Variants in AFAP1 observed in about 807,000 individuals in gnomAD.
AFAP1 encodes actin filament-associated protein 1.
In AFAP1, 75 loss-of-function variants were observed where a neutral mutation model predicts 93.9. The ratio of observed to expected loss-of-function variants is 0.80; its 90% CI spans 0.66 to 0.97. The LOEUF (loss-of-function observed/expected upper bound fraction) is 0.97. AFAP1 is among the 50% of genes least tolerant of loss of function. AFAP1 has a pLI of 0.00. For missense variants in AFAP1, 1,201 were observed against 1,050.8 expected (o/e 1.14, Z -1.98); for synonymous variants, 517 against 430.7 (o/e 1.20, Z -2.48).
intron 3 of AFAP1, among the ~76,000 whole-genome samples, chr4:7,863,721 G>C (rs1316430967): frequency 6.6e-6 from 1 of 151,966 alleles, no homozygotes; most frequent in South Asian, 2.1e-4. Flanking sequence ...ATTGAATAAA[G>C]GTATGAAGCA....
intron 4 of AFAP1, 120 bp from the exon 5 acceptor site, chr4:7,843,470 T>C: frequency 1.1e-6 from 1 of 951,764 alleles, no homozygotes; most frequent in Non-Finnish European, 1.5e-6. Context: ...AAGGGACCTC[T>C]GCTCCTTAAG....
intron 11 of AFAP1, among the ~76,000 whole-genome samples, chr4:7,792,422 C>T (rs868149024): frequency 1.5e-4 from 23 of 152,128 alleles, no homozygotes; most frequent in African/African-American, 4.3e-4. Context: ...AAGCTCACCA[C>T]GGCAGATGCA....
At chr4:7,889,284 T>G (rs1718303717) in intron 1 of AFAP1, among the ~76,000 whole-genome samples, 2 of 151,948 alleles carry the variant, frequency 1.3e-5, no homozygotes, top group South Asian at 4.2e-4. Context: ...ATAAAAGGCA[T>G]CTGCCTGTAA....
intron 1 of AFAP1, among the ~76,000 whole-genome samples, chr4:7,919,983 T>C (rs1720346928): frequency 6.6e-6 from 1 of 152,200 alleles, no homozygotes; most frequent in South Asian, 2.1e-4. Context: ...TCTTGTTCCT[T>C]TTGATGGGTG....
At chr4:7,827,256 A>G (rs1222938392) in intron 6 of AFAP1, among the ~76,000 whole-genome samples, 1 of 152,038 alleles carries the variant, frequency 6.6e-6, no homozygotes, top group East Asian at 1.9e-4. Flanking sequence ...AGGACCCAAC[A>G]TACCTACAGA....
chr4:7,936,765 T>A (rs1478724767), intron 1 of AFAP1, among the ~76,000 whole-genome samples: 2 of 151,980 alleles, frequency 1.3e-5, no homozygotes, highest in East Asian at 3.9e-4. Flanking sequence ...GTATTTTTAG[T>A]GGAGATAGGG....
chr4:7,794,530 AT>A (rs964364014), intron 10 of AFAP1, among the ~76,000 whole-genome samples: 9 of 150,432 alleles, frequency 6.0e-5, no homozygotes, highest in Middle Eastern at 3.4e-3. Flanking sequence ...TTATTTATTT[AT>A]TTTTTTTTGA....
At position 7,830,650 on chromosome 4, in the gene AFAP1, C is replaced by T. The variant is rs576526003; in HGVS notation, c.726+7874G>A. 2.8e-4 allele frequency among the ~76,000 whole-genome samples: 43 copies of T among 152,098 alleles called. No individual in the cohort carries two copies. In the East Asian group the frequency reaches 5.0e-3, roughly 18 times the overall value. On this transcript the variant is annotated intron_variant, in intron 6 of 17. Coordinates refer to ENST00000420658, the MANE Select transcript of AFAP1 (RefSeq NM_001134647.2). The stretch of plus-strand genomic sequence containing the variant: ...TAGAGACAAGGTCTCATTCTGTCAC[C>T]CAGGCTGGAGTGCAGTGGCCCAATC...
chr4:7,869,422 G>A (rs1716820692), intron 2 of AFAP1, among the ~76,000 whole-genome samples: 1 of 152,088 alleles, frequency 6.6e-6, no homozygotes, highest in African/African-American at 2.4e-5. Context: ...ACACCTTCCT[G>A]GGAATCAATA....
chr4:7,843,514 A>T (rs1713310574), intron 4 of AFAP1, among the ~76,000 whole-genome samples, 164 bp from the exon 5 acceptor site: 1 of 152,210 alleles, frequency 6.6e-6, no homozygotes, highest in Non-Finnish European at 1.5e-5. Flanking sequence ...AAATAAAAAA[A>T]CAATGCTAAG....
intron 1 of AFAP1, among the ~76,000 whole-genome samples, chr4:7,904,835 C>A (rs1719313540): frequency 6.6e-6 from 1 of 152,044 alleles, no homozygotes; most frequent in African/African-American, 2.4e-5. Flanking sequence ...GCCTCTCAAG[C>A]TGGGATTACA....
chr4:7,935,844 A>G (rs1017715426), intron 1 of AFAP1, among the ~76,000 whole-genome samples: 1 of 152,226 alleles, frequency 6.6e-6, no homozygotes, highest in Non-Finnish European at 1.5e-5. Flanking sequence ...TGTGTTCTCC[A>G]TACCCATGCA....
chr4:7,938,655 T>C (rs1560246540), intron 1 of AFAP1, among the ~76,000 whole-genome samples: 3 of 152,236 alleles, frequency 2.0e-5, no homozygotes, highest in Admixed American at 2.0e-4. Context: ...AAACGCATTT[T>C]CCAGCCCGCC....
intron 1 of AFAP1, among the ~76,000 whole-genome samples, chr4:7,896,773 C>A (rs556001930): frequency 1.8e-4 from 23 of 126,432 alleles, no homozygotes; most frequent in African/African-American, 6.4e-4. Context: ...CATTCCCCCC[C>A]ACACCCAGGG....
intron 16 of AFAP1, among the ~76,000 whole-genome samples, chr4:7,769,468 G>A (rs1043169485): frequency 3.9e-5 from 6 of 152,224 alleles, no homozygotes; most frequent in African/African-American, 1.2e-4. Context: ...CCCACTGCGC[G>A]GGGCTCGCTG....
rs1719316097 is a variant in AFAP1 at position 7,804,353 on chromosome 4, TATC to T, written c.1055-3703_1055-3701del. On this transcript the variant is annotated intron_variant, in intron 9 of 17. Coordinates refer to ENST00000420658, the MANE Select transcript of AFAP1 (RefSeq NM_001134647.2). ...ACTGATTTTATTTTTGAATCTCACTTATCATATTATGGTAGGGTGTTACTGAAT... is the reference window on the plus strand; with the variant it reads ...ACTGATTTTATTTTTGAATCTCACTTATATTATGGTAGGGTGTTACTGAAT... 3.9e-5 allele frequency among the ~76,000 whole-genome samples: 6 copies of T among 152,222 alleles called. No individual in the cohort carries two copies. In the South Asian group the frequency reaches 1.2e-3, roughly 32 times the overall value.
intron 1 of AFAP1, among the ~76,000 whole-genome samples, chr4:7,906,732 C>T (rs1560230425): frequency 2.0e-5 from 3 of 152,334 alleles, no homozygotes; most frequent in East Asian, 1.9e-4. Context: ...ACAGAAAGAA[C>T]ATTCAAGGCC....
At chr4:7,781,654 G>C in intron 12 of AFAP1, 27 bp from the exon 13 acceptor site, 1 of 1,549,764 alleles carries the variant, frequency 6.5e-7, no homozygotes, top group Non-Finnish European at 8.7e-7. Context: ...TTTGTGGTTA[G>C]TGACTTGGAC....
intron 1 of AFAP1, among the ~76,000 whole-genome samples, chr4:7,919,539 C>T (rs1646574494): frequency 6.6e-6 from 1 of 152,208 alleles, no homozygotes; most frequent in East Asian, 1.9e-4. Context: ...TACGAATATC[C>T]AGCCCTAAGA....
Sources: allele counts gnomAD v4.1 joint callset (sites outside exome capture counted in the v4.1 genomes callset), GRCh38; gene constraint gnomAD v4.1.1; transcripts MANE v1.5; gene names NCBI Gene and HGNC (gene_info 2026-07-23, HGNC 2026-07-21).